Variants in TUB observed in about 807,000 individuals in gnomAD.
TUB encodes tubby protein homolog.
In TUB, 33 loss-of-function variants were observed where a neutral mutation model predicts 59.7. The observed-to-expected ratio is 0.55, with a 90% CI of 0.42 to 0.74. The LOEUF (loss-of-function observed/expected upper bound fraction) is 0.74. Ranked by LOEUF, TUB falls within the 30% of genes least tolerant of loss-of-function variation. TUB has a pLI of 0.00. For synonymous variants in TUB, 293 were observed against 256.4 expected, an observed-to-expected ratio of 1.14 and a Z score of -1.36; for missense variants, 659 against 672.0, an observed-to-expected ratio of 0.98 and a Z score of 0.21.
chr11:8,061,160 G>C (rs982852382), intron 2 of TUB, among the ~76,000 whole-genome samples: 4 of 152,242 alleles, frequency 2.6e-5, no homozygotes, highest in Admixed American at 2.0e-4. Context: ...CAAATACAAA[G>C]AGAGTCTCTG....
rs1943559181 is a variant in TUB at position 8,081,406 on chromosome 11, G to T, written c.-105G>T. 1 of 1,047,460 alleles carries T rather than the reference G, an allele frequency of 9.5e-7. No individual in the cohort carries two copies. Among genetic ancestry groups the T allele is most frequent in the African/African-American group, 1.7e-5 (1 of 58,378 alleles). 64.9% of individuals were successfully genotyped at this position (1,047,460 alleles called of 1,614,324 possible). A position where few individuals can be genotyped will look rare whatever the true frequency, so the allele number is the denominator to read the frequency against. On this transcript the variant is annotated 5_prime_UTR_variant, in exon 1 of 12. Transcript: ENST00000299506. ...CGGCGGGGCCCAGCGCCCCGGCCCG[G>T]GAGGATGCGGCCCGGGGCGGCCCGG...
chr11:8,041,336 A>C (rs1942747248), intron 2 of TUB, among the ~76,000 whole-genome samples: 1 of 152,182 alleles, frequency 6.6e-6, no homozygotes, highest in Non-Finnish European at 1.5e-5. Flanking sequence ...CCCCATGGTG[A>C]CACAGGGCTG....
At chr11:8,065,442 T>G (rs1943221462) in intron 2 of TUB, among the ~76,000 whole-genome samples, 1 of 152,218 alleles carries the variant, frequency 6.6e-6, no homozygotes, top group African/African-American at 2.4e-5. Context: ...TATACCTTAC[T>G]GTGTGACCTC....
chr11:8,020,340 C>G (rs922582277), intron 1 of TUB, among the ~76,000 whole-genome samples: 1 of 152,136 alleles, frequency 6.6e-6, no homozygotes, highest in African/African-American at 2.4e-5. Context: ...TTCCTGTGCT[C>G]TCCTTCCCTT....
At chr11:8,023,126 C>T (rs973132990) in intron 1 of TUB, among the ~76,000 whole-genome samples, 8 of 152,188 alleles carry the variant, frequency 5.3e-5, no homozygotes, top group Non-Finnish European at 1.2e-4. Context: ...CGTGCCTTCT[C>T]ATCTTGCAGC....
chr11:8,020,643 C>G (rs535443254), intron 1 of TUB, among the ~76,000 whole-genome samples: 25 of 152,202 alleles, frequency 1.6e-4, no homozygotes, highest in African/African-American at 6.0e-4. Context: ...GGAAATATAT[C>G]GTCTGAATTG....
In TUB at chr11:8,074,063, C is replaced by A. The variant is rs1009897241; in HGVS notation, c.204-15547C>A. On this transcript the variant is annotated intron_variant, in intron 2 of 12. Coordinates refer to the TUB transcript ENST00000305253. ...CTAGGCAACTGAGGATATGTCAACT[C>A]GTAAGGCGTTACTATATATATGGGT... is the stretch of plus-strand genomic sequence containing the variant. 2.6e-5 allele frequency among the ~76,000 whole-genome samples: 4 copies of A among 151,608 alleles called. No homozygotes were observed. In the East Asian group the frequency reaches 5.8e-4, roughly 22 times the overall value.
intron 2 of TUB, among the ~76,000 whole-genome samples, chr11:8,055,930 C>T (rs1286693029): frequency 6.6e-6 from 1 of 152,176 alleles, no homozygotes; most frequent in African/African-American, 2.4e-5. Context: ...CTGGGCTCAG[C>T]GTTCACTGCA....
intron 1 of TUB, chr11:8,019,362 G>A (rs1351826645): frequency 1.6e-5 from 20 of 1,259,096 alleles, no homozygotes; most frequent in Non-Finnish European, 2.0e-5. Context: ...ATGACAGGTA[G>A]GGCGCCCGAA....
intron 1 of TUB, among the ~76,000 whole-genome samples, chr11:8,019,515 G>T (rs1942386585): frequency 6.6e-6 from 1 of 152,116 alleles, no homozygotes. Context: ...CCAGAGCCTC[G>T]GGTACGGCGC....
intron 1 of TUB, among the ~76,000 whole-genome samples, chr11:8,025,334 C>T (rs80078453): frequency 0.12 from 18,168 of 151,820 alleles, 1,239 homozygotes; most frequent in Non-Finnish European, 0.13. Context: ...CTGAAAGAGG[C>T]GAGGGAATGA....
chr11:8,095,025 T>A (rs1943923589), intron 4 of TUB, among the ~76,000 whole-genome samples: 1 of 152,224 alleles, frequency 6.6e-6, no homozygotes, highest in South Asian at 2.1e-4. Flanking sequence ...CCAATTGCAA[T>A]CTTTCTCAAG....
upstream of TUB, among the ~76,000 whole-genome samples, chr11:8,036,917 T>A (rs568660382): frequency 1.3e-5 from 2 of 152,338 alleles, no homozygotes; most frequent in South Asian, 4.1e-4. Flanking sequence ...TGGTCCACTT[T>A]CCTTGGTTTA....
At chr11:8,059,274 A>G (rs538308075) in intron 2 of TUB, among the ~76,000 whole-genome samples, 2 of 152,274 alleles carry the variant, frequency 1.3e-5, no homozygotes, top group South Asian at 2.1e-4. Flanking sequence ...AGACGTGGTC[A>G]CTGCCTGTAT....
chr11:8,089,561 T>C, intron 1 of TUB, 49 bp from the exon 2 acceptor site: 1 of 1,609,630 alleles, frequency 6.2e-7, no homozygotes, highest in Non-Finnish European at 8.5e-7. Context: ...GGGCTGTATA[T>C]CCTGGCACCT....
chr11:8,020,602 T>G (rs1041952164), intron 1 of TUB, among the ~76,000 whole-genome samples: 6 of 152,206 alleles, frequency 3.9e-5, no homozygotes, highest in African/African-American at 1.4e-4. Context: ...CTGATCCACG[T>G]CTGTTTTTTT....
chr11:8,019,927 A>G (rs1942397649), intron 1 of TUB, among the ~76,000 whole-genome samples: 1 of 152,094 alleles, frequency 6.6e-6, no homozygotes, highest in South Asian at 2.1e-4. Flanking sequence ...GGCGCTCTCG[A>G]GTTGCCAGGC....
At chr11:8,025,031 A>C (rs865993143) in intron 1 of TUB, among the ~76,000 whole-genome samples, 39 of 152,250 alleles carry the variant, frequency 2.6e-4, no homozygotes, top group African/African-American at 9.2e-4. Flanking sequence ...CCATTCACTC[A>C]ATATGCATTT....
At chr11:8,035,824 C>T (rs976086843), upstream of TUB, 1 of 152,304 alleles carries the variant, frequency 6.6e-6, no homozygotes, top group Non-Finnish European at 1.5e-5. Flanking sequence ...CATGTACCCA[C>T]ATTCCTCTAG....
Sources: allele counts gnomAD v4.1 joint callset (sites outside exome capture counted in the v4.1 genomes callset), GRCh38; gene constraint gnomAD v4.1.1; transcripts MANE v1.5; gene names NCBI Gene and HGNC (gene_info 2026-07-23, HGNC 2026-07-21).